MDM2: variants seen among roughly 807,000 people sequenced by gnomAD.
The protein encoded by MDM2 is MDM2 proto-oncogene, also known as E3 ubiquitin-protein ligase Mdm2.
A neutral mutation model predicts 64.3 loss-of-function variants in MDM2; 11 were observed. That is an observed-to-expected ratio of 0.17 (90% CI 0.11 to 0.28). MDM2 has a LOEUF of 0.28. Ranked by LOEUF, MDM2 falls within the 10% of genes least tolerant of loss-of-function variation. The pLI is 1.00. For synonymous variants in MDM2, 194 were observed against 192.9 expected (o/e 1.01, Z -0.05); for missense variants, 388 against 577.1 (o/e 0.67, Z 3.36).
chr12:68,818,053 C>T (rs1289200996), intron 4 of MDM2, among the ~76,000 whole-genome samples: 1 of 152,112 alleles, frequency 6.6e-6, no homozygotes, highest in African/African-American at 2.4e-5. Context: ...CATGGCCTCC[C>T]AAAGTGCTGG....
At chr12:68,834,817 C>T (rs892823335) in intron 8 of MDM2, among the ~76,000 whole-genome samples, 2 of 152,140 alleles carry the variant, frequency 1.3e-5, no homozygotes, top group Non-Finnish European at 2.9e-5. Flanking sequence ...AGCCATATCC[C>T]GACTTCTAGA....
chr12:68,832,408 C>T (rs900312180), intron 8 of MDM2, among the ~76,000 whole-genome samples: 1 of 152,064 alleles, frequency 6.6e-6, no homozygotes, highest in East Asian at 1.9e-4. Flanking sequence ...GTTTAAGGTT[C>T]CTACAACTAA....
intron 8 of MDM2, 61 bp from the exon 9 acceptor site, chr12:68,835,768 A>T: frequency 6.7e-7 from 1 of 1,498,416 alleles, no homozygotes; most frequent in Non-Finnish European, 9.0e-7. Context: ...ATGAGTTAGG[A>T]AACAGATACA....
chr12:68,847,951 G>A (rs977128277), downstream of MDM2: 1 of 152,312 alleles, frequency 6.6e-6, no homozygotes, highest in African/African-American at 2.4e-5. Flanking sequence ...GATCACTTGA[G>A]GCCAGGAGTT....
chr12:68,833,444 A>T (rs941675332), intron 8 of MDM2, among the ~76,000 whole-genome samples: 2 of 142,892 alleles, frequency 1.4e-5, no homozygotes, highest in Admixed American at 7.3e-5. Flanking sequence ...ATATTTTAAA[A>T]ATATATATAG....
At chr12:68,838,219 G>A (rs3730647) in intron 10 of MDM2, among the ~76,000 whole-genome samples, 2,758 of 152,242 alleles carry the variant, frequency 0.018, 42 homozygotes, top group Non-Finnish European at 0.031. Context: ...TCTCAAAATG[G>A]TTACGGAAAT....
At position 68,808,260 on chromosome 12, in the gene MDM2, C is replaced by G; in HGVS notation, c.-218C>G. 1 of 602,372 alleles carries G rather than the reference C, an allele frequency of 1.7e-6. No homozygotes were observed. Among genetic ancestry groups the G allele is most frequent in the Non-Finnish European group, 2.9e-6 (1 of 341,758 alleles). The allele number at this position is 602,372 out of a possible 1,614,324, so 37.3% of individuals were successfully genotyped here. A position where few individuals can be genotyped will look rare whatever the true frequency, so the allele number is the denominator to read the frequency against. Reference sequence around the variant, plus strand: ...TGTGTCGGAAAGATGGAGCAAGAAGCCGAGCCCGAGGGGCGGCCGCGACCC... The same window carrying G: ...TGTGTCGGAAAGATGGAGCAAGAAGGCGAGCCCGAGGGGCGGCCGCGACCC... On this transcript the variant is annotated 5_prime_UTR_variant, in exon 1 of 11. Transcript: ENST00000258149.
intron 2 of MDM2, among the ~76,000 whole-genome samples, chr12:68,809,889 G>A (rs185882840): frequency 6.6e-6 from 1 of 152,158 alleles, no homozygotes; most frequent in African/African-American, 2.4e-5. Context: ...CACAGCATGA[G>A]TATACCATTT....
At chr12:68,833,375 A>G (rs1329185320) in intron 8 of MDM2, among the ~76,000 whole-genome samples, 1 of 138,212 alleles carries the variant, frequency 7.2e-6, no homozygotes, top group South Asian at 2.1e-4. Flanking sequence ...GCACCTGTAT[A>G]TATTATATAT....
chr12:68,822,522 C>T (rs114194491), intron 5 of MDM2, among the ~76,000 whole-genome samples: 1,970 of 152,018 alleles, frequency 0.013, 52 homozygotes, highest in African/African-American at 0.045. Flanking sequence ...TGTGTGATAG[C>T]TAAATATACA....
At chr12:68,809,127 T>G (rs1200473494) in intron 1 of MDM2, 81 bp from the exon 2 acceptor site, 2 of 1,578,050 alleles carry the variant, frequency 1.3e-6, no homozygotes, top group African/African-American at 2.7e-5. Context: ...TTAACTGTTG[T>G]TTATGTTCTT....
Position 68,828,951 on chromosome 12 carries a change from T to G in MDM2, c.684+20T>G, listed in dbSNP as rs1457328056. 1.2e-6 allele frequency: 2 copies of G among 1,612,698 alleles called. No individual in the cohort carries two copies. Among genetic ancestry groups the G allele is most frequent in the Non-Finnish European group, 1.7e-6 (2 of 1,178,924 alleles). ...AATCCGGTAATGTTCTCATTTTAAG[T>G]AAGGCAAGACTCTTACTGTTCAAAG... On this transcript the variant is annotated intron_variant, in intron 8 of 10. Coordinates refer to ENST00000258149, the MANE Select transcript of MDM2 (RefSeq NM_002392.6).
Position 68,835,945 on chromosome 12 carries a change from T to C in MDM2, c.801T>C (p.Leu267=). 2 of 1,611,686 alleles carry C rather than the reference T, an allele frequency of 1.2e-6. No individual in the cohort carries two copies. The highest frequency in any genetic ancestry group is 2.7e-5 in the African/African-American group (2 of 75,036). The change falls in exon 9 of 11, where the codon CTT becomes CTC. Residue 267 remains leucine, a synonymous_variant. Coordinates refer to ENST00000258149, the MANE Select transcript of MDM2 (RefSeq NM_002392.6). ...CTCTCGACTCAGAAGATTATAGCCT[T>C]AGTGAAGAAGGACAAGAACTCTCAG... ...VESLDSEDYS[L]SEEGQELSDE...
intron 2 of MDM2, among the ~76,000 whole-genome samples, chr12:68,810,547 C>T (rs1037795904): frequency 2.0e-5 from 3 of 150,966 alleles, no homozygotes; most frequent in South Asian, 2.1e-4. Flanking sequence ...CTGCAATCTC[C>T]GTTCCCCGGG....
chr12:68,824,947 G>T (rs188803830), intron 7 of MDM2, among the ~76,000 whole-genome samples: 1 of 152,264 alleles, frequency 6.6e-6, no homozygotes, highest in Admixed American at 6.5e-5. Flanking sequence ...CCTGGCTCAC[G>T]CCTGTAATCC....
At chr12:68,822,672 T>C (rs1346482474) in intron 5 of MDM2, among the ~76,000 whole-genome samples, 1 of 152,192 alleles carries the variant, frequency 6.6e-6, no homozygotes, top group Non-Finnish European at 1.5e-5. Context: ...AATTACTTAT[T>C]TGCAGTCTGA....
At position 68,816,362 on chromosome 12, in the gene MDM2, C is replaced by CTTTTTTTTTTTTT. The variant is rs62874563; in HGVS notation, c.175-434_175-422dup. Among the ~76,000 whole-genome samples the CTTTTTTTTTTTTT allele has an allele frequency of 6.6e-5, 4 of 61,064 alleles. 1 individual carries two copies. The highest frequency in any genetic ancestry group is 2.7e-4 in the African/African-American group (4 of 14,890). 40.1% of individuals were successfully genotyped at this position (61,064 alleles called of 152,430 possible). The stretch of plus-strand genomic sequence containing the variant: ...TTAAATGGAAAAGGCTTAAAAGTAG[C>CTTTTTTTTTTTTT]TTTTTTTTTTTTTTTTTTTTTTTTT... On this transcript the variant is annotated intron_variant, in intron 3 of 10. Coordinates refer to ENST00000258149, the MANE Select transcript of MDM2 (RefSeq NM_002392.6).
At chr12:68,847,120 T>C (rs1884347852), downstream of MDM2, 2 of 141,794 alleles carry the variant, frequency 1.4e-5, no homozygotes, top group African/African-American at 5.3e-5. Flanking sequence ...GGCTAATATA[T>C]ATATTATATA....
In MDM2 at chr12:68,808,213, T is replaced by C. The variant is rs760030564; in HGVS notation, c.-265T>C. ...GAGGCACCGCGGCGAGCTTGGCTGC[T>C]TCTGGGGCCTGTGTGGCCCTGTGTG... On this transcript the variant is annotated 5_prime_UTR_variant, in exon 1 of 11. Transcript: ENST00000258149. 2.5e-5 allele frequency: 13 copies of C among 530,374 alleles called. No individual in the cohort carries two copies. The highest frequency in any genetic ancestry group is 3.9e-5 in the Admixed American group (1 of 25,462). 32.9% of individuals were successfully genotyped at this position (530,374 alleles called of 1,614,324 possible). A position where few individuals can be genotyped will look rare whatever the true frequency, so the allele number is the denominator to read the frequency against.
Sources: gnomAD v4.1 joint callset for allele counts (sites outside exome capture counted in the v4.1 genomes callset) on GRCh38, gnomAD v4.1.1 for gene constraint, MANE v1.5 for transcripts, NCBI Gene and HGNC (gene_info 2026-07-23, HGNC 2026-07-21) for gene names.